Variants in PDE3B observed in about 807,000 individuals in gnomAD.
The protein encoded by PDE3B is cGMP-inhibited 3',5'-cyclic phosphodiesterase 3B.
In PDE3B, 66 loss-of-function variants were observed where a neutral mutation model predicts 116.8. That is an observed-to-expected ratio of 0.56 (90% CI 0.46 to 0.69). The LOEUF (loss-of-function observed/expected upper bound fraction) is 0.69, where lower values mean the gene tolerates loss of function less well. PDE3B is among the 30% of genes least tolerant of loss of function. The pLI, the probability that PDE3B is intolerant of heterozygous loss-of-function variation, is 0.00. For missense variants in PDE3B, 1,384 were observed against 1,368.1 expected, an observed-to-expected ratio of 1.01 and a Z score of -0.18; for synonymous variants, 595 against 533.6, an observed-to-expected ratio of 1.12 and a Z score of -1.59.
At chr11:14,749,845 T>A (rs1406296081) in intron 1 of PDE3B, among the ~76,000 whole-genome samples, 1 of 137,864 alleles carries the variant, frequency 7.3e-6, no homozygotes, top group East Asian at 2.0e-4. Flanking sequence ...ATATATATAT[T>A]TATTTATATA....
intron 4 of PDE3B, among the ~76,000 whole-genome samples, chr11:14,798,273 G>A (rs1201569992): frequency 6.6e-6 from 1 of 152,184 alleles, no homozygotes; most frequent in Non-Finnish European, 1.5e-5. Flanking sequence ...GCATCGCAGG[G>A]ATGAAGCCTA....
the PDE3B span, among the ~76,000 whole-genome samples, chr11:14,883,358 A>G: frequency 1.3e-5 from 2 of 152,192 alleles, no homozygotes; most frequent in South Asian, 4.1e-4. Flanking sequence ...GGAACAGAAC[A>G]GAGCCCTCAG....
chr11:14,748,625 T>TATTA (rs1171536665), intron 1 of PDE3B, among the ~76,000 whole-genome samples: 1 of 152,186 alleles, frequency 6.6e-6, no homozygotes, highest in Non-Finnish European at 1.5e-5. Context: ...GCAGAATGGT[T>TATTA]ATTACACTGA....
intron 4 of PDE3B, among the ~76,000 whole-genome samples, chr11:14,790,734 TTGG>T (rs1858357270): frequency 6.6e-6 from 1 of 152,128 alleles, no homozygotes; most frequent in Non-Finnish European, 1.5e-5. Flanking sequence ...AATAAATTAA[TTGG>T]TGGTATTATG....
At chr11:14,706,500 G>C (rs1170757812) in intron 1 of PDE3B, among the ~76,000 whole-genome samples, 1 of 151,852 alleles carries the variant, frequency 6.6e-6, no homozygotes, top group East Asian at 1.9e-4. Context: ...ATGAGGTAAT[G>C]TATTTAAAGT....
chr11:14,714,191 G>T (rs767089415), intron 1 of PDE3B, among the ~76,000 whole-genome samples: 1 of 151,996 alleles, frequency 6.6e-6, no homozygotes, highest in African/African-American at 2.4e-5. Context: ...CAGTCCAGGG[G>T]AGGGGAGGGT....
At chr11:14,732,403 A>G (rs1395558890) in intron 1 of PDE3B, among the ~76,000 whole-genome samples, 1 of 152,196 alleles carries the variant, frequency 6.6e-6, no homozygotes, top group African/African-American at 2.4e-5. Flanking sequence ...CTATAGTTTA[A>G]TGAGGCAATT....
chr11:14,719,030 C>A (rs1193059564), intron 1 of PDE3B, among the ~76,000 whole-genome samples: 2 of 114,454 alleles, frequency 1.7e-5, no homozygotes, highest in Non-Finnish European at 1.8e-5. Flanking sequence ...GCTAGCAAGA[C>A]TAATAAAGAA....
intron 1 of PDE3B, among the ~76,000 whole-genome samples, chr11:14,667,891 A>G (rs1010666454): frequency 1.3e-5 from 2 of 151,950 alleles, no homozygotes; most frequent in South Asian, 2.1e-4. Flanking sequence ...GTTCACTGCC[A>G]TGTCCAAAAT....
At position 14,854,703 on chromosome 11, in the gene PDE3B, G is replaced by T. The variant is rs1416981078; in HGVS notation, c.2521-4340G>T. On this transcript the variant is annotated intron_variant, in intron 12 of 15. Transcript: ENST00000282096. Reference sequence around the variant, plus strand: ...AGCTAATTTTTGTATTTTTAGTAGAGATGGGGTTTCACCATGTTGGCCAGG... The same window carrying T: ...AGCTAATTTTTGTATTTTTAGTAGATATGGGGTTTCACCATGTTGGCCAGG... Among the ~76,000 whole-genome samples, 15 of 152,246 alleles carry T rather than the reference G, an allele frequency of 9.9e-5. No homozygotes were observed. The East Asian group carries it at 2.9e-3, about 29-fold the overall frequency.
chr11:14,738,195 C>G (rs974360890), intron 1 of PDE3B, among the ~76,000 whole-genome samples: 1 of 152,210 alleles, frequency 6.6e-6, no homozygotes, highest in Non-Finnish European at 1.5e-5. Flanking sequence ...AATCGCCACA[C>G]TGACTTCCAC....
At chr11:14,701,563 A>C (rs1855361835) in intron 1 of PDE3B, among the ~76,000 whole-genome samples, 1 of 151,580 alleles carries the variant, frequency 6.6e-6, no homozygotes, top group Non-Finnish European at 1.5e-5. Context: ...TTTTTTCCCC[A>C]TTTCTTAAGG....
chr11:14,873,206 T>G (rs1370885236), downstream of PDE3B, among the ~76,000 whole-genome samples: 2 of 152,216 alleles, frequency 1.3e-5, no homozygotes, highest in East Asian at 1.9e-4. Flanking sequence ...GTTTTTATTT[T>G]TCTATTATTC....
chr11:14,761,679 G>A (rs1024902582), intron 1 of PDE3B, among the ~76,000 whole-genome samples: 1 of 152,034 alleles, frequency 6.6e-6, no homozygotes, highest in Non-Finnish European at 1.5e-5. Context: ...ACAGACAAGA[G>A]GTTCCCAGTT....
chr11:14,731,965 G>C (rs1296296218), intron 1 of PDE3B, among the ~76,000 whole-genome samples: 1 of 152,144 alleles, frequency 6.6e-6, no homozygotes, highest in Non-Finnish European at 1.5e-5. Flanking sequence ...GAAGGGTAAA[G>C]GGGAATTCTA....
Position 14,840,594 on chromosome 11 carries a change from A to C in PDE3B, c.2321-3233A>C, listed in dbSNP as rs141225173. 1.5e-3 allele frequency among the ~76,000 whole-genome samples: 228 copies of C among 152,336 alleles called. 1 individual carries two copies. Among genetic ancestry groups the C allele is most frequent in the East Asian group, 8.3e-3 (43 of 5,178 alleles). On this transcript the variant is annotated intron_variant, in intron 11 of 15. Transcript: ENST00000282096. The stretch of plus-strand genomic sequence containing the variant: ...GAATTCCCTATGACCAGTTGACTTA[A>C]AGAGAAAGACCAGTTGCCCTGGTTT...
rs573762907 is a variant in PDE3B at position 14,834,920 on chromosome 11, A to G, written c.2207-62A>G. ...TATGAGGATATAGTATGACTAGGAAATTATTGTACTTTTTAAATGTTGTGT... is the reference window on the plus strand; with the variant it reads ...TATGAGGATATAGTATGACTAGGAAGTTATTGTACTTTTTAAATGTTGTGT... On this transcript the variant is annotated intron_variant, in intron 10 of 15. Coordinates refer to ENST00000282096, the MANE Select transcript of PDE3B (RefSeq NM_000922.4). The G allele has an allele frequency of 2.2e-4, 184 of 833,150 alleles. 1 individual carries two copies. Among genetic ancestry groups the G allele is most frequent in the South Asian group, 2.1e-3 (121 of 57,562 alleles). The allele number at this position is 833,150 out of a possible 1,614,324, so 51.6% of individuals were successfully genotyped here. A position where few individuals can be genotyped will look rare whatever the true frequency, so the allele number is the denominator to read the frequency against.
chr11:14,700,000 T>C (rs1003032422), intron 1 of PDE3B, among the ~76,000 whole-genome samples: 4 of 151,778 alleles, frequency 2.6e-5, no homozygotes, highest in African/African-American at 9.7e-5. Flanking sequence ...TAATTATATA[T>C]GGCTCCGACA....
chr11:14,779,476 G>T (rs1420880034), intron 2 of PDE3B, among the ~76,000 whole-genome samples: 1 of 152,254 alleles, frequency 6.6e-6, no homozygotes, highest in South Asian at 2.1e-4. Flanking sequence ...TCTCTCGGCA[G>T]AAACTCTACA....
Sources: allele counts gnomAD v4.1 joint callset (sites outside exome capture counted in the v4.1 genomes callset), GRCh38; gene constraint gnomAD v4.1.1; transcripts MANE v1.5; gene names NCBI Gene and HGNC (gene_info 2026-07-23, HGNC 2026-07-21).